Variants in SDK1 observed in about 807,000 individuals in gnomAD.
SDK1 encodes sidekick cell adhesion molecule 1.
In SDK1, 157 loss-of-function variants were observed where a neutral mutation model predicts 245.5. The ratio of observed to expected loss-of-function variants is 0.64; its 90% CI spans 0.56 to 0.73. The LOEUF (loss-of-function observed/expected upper bound fraction) is 0.73. Among genes scored for constraint, SDK1 ranks in the 30% least tolerant of loss-of-function variants. The pLI is 0.00. For missense variants in SDK1, 3,583 were observed against 3,002.3 expected, an observed-to-expected ratio of 1.19 and a Z score of -4.52; for synonymous variants, 1,647 against 1,278.5, an observed-to-expected ratio of 1.29 and a Z score of -6.15.
rs1562538 is a variant in SDK1 at position 4,268,477 on chromosome 7, T to C, written c.*3093T>C. The C allele has an allele frequency of 0.48, 568,063 of 1,173,214 alleles. 139,923 individuals carry two copies. Among genetic ancestry groups the C allele is most frequent in the African/African-American group, 0.56 (34,474 of 61,976 alleles). The allele number at this position is 1,173,214 out of a possible 1,614,324, so 72.7% of individuals were successfully genotyped here. A position where few individuals can be genotyped will look rare whatever the true frequency, so the allele number is the denominator to read the frequency against. On this transcript the variant is annotated 3_prime_UTR_variant, in exon 45 of 45. Transcript: ENST00000404826. ...ATAAGGCGCACTTCACTCAATGCTGTAGCCAAAAAACGAGGGGCCCCAGGG... is the reference window on the plus strand; with the variant it reads ...ATAAGGCGCACTTCACTCAATGCTGCAGCCAAAAAACGAGGGGCCCCAGGG...
intron 5 of SDK1, among the ~76,000 whole-genome samples, chr7:3,861,142 G>A (rs1000271137): frequency 1.3e-5 from 2 of 152,308 alleles, no homozygotes; most frequent in Non-Finnish European, 2.9e-5. Flanking sequence ...GGAGACACGC[G>A]TAAGGGTGTT....
chr7:3,796,008 T>C (rs1778952850), intron 4 of SDK1, among the ~76,000 whole-genome samples: 1 of 152,228 alleles, frequency 6.6e-6, no homozygotes, highest in African/African-American at 2.4e-5. Context: ...TTAAAAATCG[T>C]AGACTGTTTT....
rs866862011 is a variant in SDK1, at chr7:3,590,309, T to G, written c.299-28771T>G. Among the ~76,000 whole-genome samples, 493 of 148,664 alleles carry G rather than the reference T, an allele frequency of 3.3e-3. 6 individuals carry two copies. Among genetic ancestry groups the G allele is most frequent in the African/African-American group, 0.012 (478 of 40,654 alleles). ...ACCTCCTTTCCTGTTCCTTTTTTTT[T>G]TTTTTTTTTTTTGCTTTGAAGTGTG... On this transcript the variant is annotated intron_variant, in intron 1 of 44. Transcript: ENST00000404826.
At chr7:3,737,483 C>T (rs1779350016) in intron 4 of SDK1, among the ~76,000 whole-genome samples, 1 of 152,212 alleles carries the variant, frequency 6.6e-6, no homozygotes, top group South Asian at 2.1e-4. Flanking sequence ...GTAGGCTGAG[C>T]CCCAGGGCTG....
Position 3,969,122 on chromosome 7 carries a change from G to A in SDK1, c.1547-135G>A, listed in dbSNP as rs924097639. On this transcript the variant is annotated intron_variant, in intron 10 of 44. Coordinates refer to ENST00000404826, the MANE Select transcript of SDK1 (RefSeq NM_152744.4). ...CCACCAGATTCCTCCCCCGACGTGG[G>A]GATTGCAATTCGAGACGAGACTTGG... The A allele has an allele frequency of 2.7e-5, 20 of 747,408 alleles. No homozygotes were observed. The South Asian group carries it at 4.5e-4, about 17-fold the overall frequency. The allele number at this position is 747,408 out of a possible 1,614,324, so 46.3% of individuals were successfully genotyped here.
intron 14 of SDK1, among the ~76,000 whole-genome samples, chr7:3,997,358 G>A (rs960534140): frequency 1.3e-5 from 2 of 152,172 alleles, no homozygotes; most frequent in Admixed American, 6.5e-5. Flanking sequence ...TAGGCAAGTC[G>A]TCCCATCGTC....
chr7:3,582,010 G>A (rs1490813050), intron 1 of SDK1, among the ~76,000 whole-genome samples: 2 of 152,202 alleles, frequency 1.3e-5, no homozygotes, highest in Admixed American at 6.5e-5. Flanking sequence ...CCTCCCTCAG[G>A]TAGGCCTGTC....
chr7:4,064,025 ATTT>A (rs893583690), intron 19 of SDK1, among the ~76,000 whole-genome samples: 1 of 152,212 alleles, frequency 6.6e-6, no homozygotes, highest in Non-Finnish European at 1.5e-5. Flanking sequence ...GTAGGCAAAG[ATTT>A]TATGGCTAAG....
intron 4 of SDK1, among the ~76,000 whole-genome samples, chr7:3,653,912 A>T (rs1473315116): frequency 6.6e-6 from 1 of 152,158 alleles, no homozygotes; most frequent in African/African-American, 2.4e-5. Context: ...CAGTTGTGAG[A>T]TTTAACAGAA....
intron 27 of SDK1, among the ~76,000 whole-genome samples, chr7:4,130,732 C>G (rs536305010): frequency 5.3e-5 from 8 of 152,162 alleles, no homozygotes; most frequent in African/African-American, 1.9e-4. Flanking sequence ...TTTTCCCACT[C>G]TGCAGATGTC....
chr7:4,013,991 GC>G (rs1468223191), intron 16 of SDK1, among the ~76,000 whole-genome samples: 2 of 152,256 alleles, frequency 1.3e-5, no homozygotes, highest in Non-Finnish European at 2.9e-5. Flanking sequence ...GCCGCCTGCG[GC>G]CGAGGGCTCC....
intron 25 of SDK1, 84 bp downstream of exon 25, chr7:4,114,358 T>A: frequency 9.1e-7 from 1 of 1,093,108 alleles, no homozygotes; most frequent in Non-Finnish European, 1.3e-6. Flanking sequence ...CCCAGGCTAG[T>A]GGCGTCTCAT....
chr7:3,928,283 C>T (rs1475107404), intron 5 of SDK1, among the ~76,000 whole-genome samples: 2 of 152,052 alleles, frequency 1.3e-5, no homozygotes, highest in East Asian at 3.9e-4. Flanking sequence ...GATAGTTAAA[C>T]CTTTATTTAT....
At chr7:3,967,974 A>G (rs1782205234) in intron 10 of SDK1, among the ~76,000 whole-genome samples, 1 of 152,236 alleles carries the variant, frequency 6.6e-6, no homozygotes, top group South Asian at 2.1e-4. Context: ...GGAAACACAC[A>G]TTAGAAAAAG....
chr7:3,965,322 C>T (rs1158723449), intron 9 of SDK1, among the ~76,000 whole-genome samples: 1 of 152,116 alleles, frequency 6.6e-6, no homozygotes, highest in Non-Finnish European at 1.5e-5. Flanking sequence ...CCTCAGTTTT[C>T]TCATCCATTA....
chr7:4,197,481 C>A (rs1026146053), intron 35 of SDK1, among the ~76,000 whole-genome samples: 1 of 151,994 alleles, frequency 6.6e-6, no homozygotes, highest in Non-Finnish European at 1.5e-5. Flanking sequence ...GAGCAAGACC[C>A]CATCTCAGAA....
chr7:3,582,324 G>C (rs1026062327), intron 1 of SDK1, among the ~76,000 whole-genome samples: 4 of 144,160 alleles, frequency 2.8e-5, no homozygotes, highest in East Asian at 4.0e-4. Context: ...GTCTGTCTCA[G>C]GTAGGTCTGT....
intron 4 of SDK1, among the ~76,000 whole-genome samples, chr7:3,792,780 A>T (rs973687368): frequency 6.6e-6 from 1 of 151,736 alleles, no homozygotes; most frequent in Non-Finnish European, 1.5e-5. Flanking sequence ...CCATCCACCC[A>T]TCCATCCAAC....
intron 22 of SDK1, among the ~76,000 whole-genome samples, chr7:4,091,499 C>T (rs144237233): frequency 3.0e-3 from 452 of 151,954 alleles, no homozygotes; most frequent in African/African-American, 0.01. Context: ...CGTACCACCA[C>T]ACCTGGCTAA....
Sources: allele counts gnomAD v4.1 joint callset (sites outside exome capture counted in the v4.1 genomes callset), GRCh38; gene constraint gnomAD v4.1.1; transcripts MANE v1.5; gene names NCBI Gene and HGNC (gene_info 2026-07-23, HGNC 2026-07-21).